CELF2: variants seen among roughly 807,000 people sequenced by gnomAD.
CELF2 encodes the protein CUGBP Elav-like family member 2.
A neutral mutation model predicts 62.6 loss-of-function variants in CELF2; 8 were observed. That is an observed-to-expected ratio of 0.13 (90% confidence interval 0.07 to 0.23). The LOEUF (loss-of-function observed/expected upper bound fraction) is 0.23, where lower values mean the gene tolerates loss of function less well. CELF2 is among the 10% of genes least tolerant of loss of function. The pLI, the probability that CELF2 is intolerant of heterozygous loss-of-function variation, is 1.00. For synonymous variants in CELF2, 258 were observed against 250.0 expected (o/e 1.03, Z -0.30); for missense variants, 333 against 671.0 (o/e 0.50, Z 5.56).
chr10:11,102,983 A>T (rs1352417363), intron 1 of CELF2, among the ~76,000 whole-genome samples: 1 of 152,184 alleles, frequency 6.6e-6, no homozygotes, highest in Non-Finnish European at 1.5e-5. Flanking sequence ...CACAAAAGTT[A>T]CTGATGTTTC....
intron 1 of CELF2, among the ~76,000 whole-genome samples, chr10:11,108,546 C>T (rs779300469): frequency 6.6e-6 from 1 of 152,126 alleles, no homozygotes; most frequent in Non-Finnish European, 1.5e-5. Context: ...GCAGTGAATG[C>T]ACATATCCCC....
rs140252410 is a variant in CELF2 at position 11,327,777 on chromosome 10, G to A, written c.1439-1149G>A. ...CTGAAAAGCTGCCCAGCGTTATGCCGCATGCCCATTTTTATCAGCCGAGAA... is the reference window on the plus strand; with the variant it reads ...CTGAAAAGCTGCCCAGCGTTATGCCACATGCCCATTTTTATCAGCCGAGAA... On this transcript the variant is annotated intron_variant, in intron 12 of 12. Coordinates refer to ENST00000633077, the MANE Select transcript of CELF2 (RefSeq NM_001326342.2). 1.9e-3 allele frequency among the ~76,000 whole-genome samples: 294 copies of A among 152,270 alleles called. 1 individual carries two copies. Among genetic ancestry groups the A allele is most frequent in the African/African-American group, 6.5e-3 (270 of 41,558 alleles).
chr10:11,326,405 G>A (rs571051684), intron 12 of CELF2, among the ~76,000 whole-genome samples: 11 of 152,322 alleles, frequency 7.2e-5, no homozygotes, highest in Non-Finnish European at 1.0e-4. Context: ...TTGCGTGATC[G>A]CAGCTCCACG....
the CELF2 span, among the ~76,000 whole-genome samples, chr10:10,620,917 CAA>C: frequency 2.2e-3 from 79 of 35,804 alleles, no homozygotes; most frequent in African/African-American, 5.6e-3. Flanking sequence ...GACCCCATCT[CAA>C]AAAAAAAAAA....
rs117929759 is a variant in CELF2 at position 11,264,174 on chromosome 10, G to A, written c.539-2424G>A. On this transcript the variant is annotated intron_variant, in intron 5 of 12. Coordinates refer to ENST00000633077, the MANE Select transcript of CELF2 (RefSeq NM_001326342.2). ...CATGTTTTTAATTGCACGGTTGTTA[G>A]AGGAAAGGGCAATGATTTGAGTTTA... Among the ~76,000 whole-genome samples the A allele has an allele frequency of 4.7e-3, 719 of 152,332 alleles. 22 individuals are homozygous for A. In the East Asian group the frequency reaches 0.071, roughly 15 times the overall value.
At chr10:11,254,829 G>A (rs2078193952) in intron 4 of CELF2, among the ~76,000 whole-genome samples, 1 of 152,068 alleles carries the variant, frequency 6.6e-6, no homozygotes, top group African/African-American at 2.4e-5. Context: ...AGGAGTCTCG[G>A]AGACGAGAGG....
rs1156736458 is a variant in CELF2 at position 11,214,685 on chromosome 10, C to T, written c.272-2740C>T. 6.6e-6 allele frequency among the ~76,000 whole-genome samples: 1 copy of T among 152,206 alleles called. No individual in the cohort carries two copies. Among genetic ancestry groups the T allele is most frequent in the African/African-American group, 2.4e-5 (1 of 41,454 alleles). ...ACGGTAAGGCACATTAGCAGTGTTACCTACGGTATCCTCCTGCGTGTCACA... is the reference window on the plus strand; with the variant it reads ...ACGGTAAGGCACATTAGCAGTGTTATCTACGGTATCCTCCTGCGTGTCACA... On this transcript the variant is annotated intron_variant, in intron 2 of 12. Transcript: ENST00000633077. The surrounding 1 kb of genome is among the most constrained non-coding windows in gnomAD (Gnocchi z 4.2).
the CELF2 span, among the ~76,000 whole-genome samples, chr10:10,668,287 C>T: frequency 6.6e-6 from 1 of 152,148 alleles, no homozygotes; most frequent in African/African-American, 2.4e-5. Context: ...TTTTAATCTT[C>T]CCTCCCACTG....
chr10:11,049,558 T>TTAA (rs747416617), intron 1 of CELF2, among the ~76,000 whole-genome samples: 8 of 96,906 alleles, frequency 8.3e-5, no homozygotes, highest in South Asian at 5.9e-4. Context: ...CTTTCTTTAG[T>TTAA]AAAAAAAAAA....
At chr10:11,256,843 G>A (rs1165363551) in intron 4 of CELF2, among the ~76,000 whole-genome samples, 1 of 151,948 alleles carries the variant, frequency 6.6e-6, no homozygotes, top group Non-Finnish European at 1.5e-5. Context: ...CTTCCCCAAT[G>A]TCAGGTGCCC....
intron 1 of CELF2, among the ~76,000 whole-genome samples, chr10:11,154,250 T>C (rs1260414629): frequency 6.6e-6 from 1 of 152,232 alleles, no homozygotes; most frequent in African/African-American, 2.4e-5. Flanking sequence ...TCAAAGCCTA[T>C]TTTAATTGGT....
At chr10:10,958,668 A>G (rs2049154814) in intron 2 of CELF2, among the ~76,000 whole-genome samples, 1 of 151,822 alleles carries the variant, frequency 6.6e-6, no homozygotes, top group Non-Finnish European at 1.5e-5. Flanking sequence ...ACAGAACAAG[A>G]CTCATCTCTA....
At chr10:10,959,314 A>G (rs955801984) in intron 2 of CELF2, among the ~76,000 whole-genome samples, 1 of 152,112 alleles carries the variant, frequency 6.6e-6, no homozygotes, top group Non-Finnish European at 1.5e-5. Context: ...ATCCATTTTG[A>G]TGCCTTTTGT....
intron 1 of CELF2, among the ~76,000 whole-genome samples, chr10:10,824,765 G>A (rs1020907581): frequency 6.6e-6 from 1 of 152,278 alleles, no homozygotes; most frequent in South Asian, 2.1e-4. Flanking sequence ...GCACATTCAA[G>A]CTGCCAAAAA....
intron 1 of CELF2, among the ~76,000 whole-genome samples, chr10:10,912,868 CTTGG>C (rs1385281961): frequency 6.6e-6 from 1 of 152,200 alleles, no homozygotes; most frequent in East Asian, 1.9e-4. Context: ...CCTGCATGGC[CTTGG>C]GAAGTAACAT....
At chr10:10,504,156 A>G in the CELF2 span, among the ~76,000 whole-genome samples, 18 of 152,104 alleles carry the variant, frequency 1.2e-4, no homozygotes, top group African/African-American at 4.1e-4. Flanking sequence ...TAACTACATT[A>G]TTGCTTACTT....
At chr10:10,816,566 G>C (rs1249777039) in intron 1 of CELF2, among the ~76,000 whole-genome samples, 4 of 152,258 alleles carry the variant, frequency 2.6e-5, no homozygotes, top group African/African-American at 9.6e-5. Flanking sequence ...AGAAGAAAGA[G>C]GAATACGTGG....
chr10:11,250,211 T>G (rs1249151179), intron 4 of CELF2, among the ~76,000 whole-genome samples: 1 of 152,210 alleles, frequency 6.6e-6, no homozygotes, highest in Non-Finnish European at 1.5e-5. Flanking sequence ...GTCAGAGCTT[T>G]CTTCTCTCAG....
the CELF2 span, among the ~76,000 whole-genome samples, chr10:10,585,870 C>G: frequency 1.3e-5 from 2 of 152,152 alleles, no homozygotes; most frequent in Non-Finnish European, 2.9e-5. Flanking sequence ...TTTAGCATGA[C>G]TGTTTACATA....
Sources: gnomAD v4.1 joint callset for allele counts (sites outside exome capture counted in the v4.1 genomes callset) on GRCh38, gnomAD v4.1.1 for gene constraint, Gnocchi (gnomAD v3.1) non-coding constraint, MANE v1.5 for transcripts, NCBI Gene and HGNC (gene_info 2026-07-23, HGNC 2026-07-21) for gene names.